Variants in TRAPPC13 observed in about 807,000 individuals in gnomAD.
TRAPPC13 encodes the protein trafficking protein particle complex subunit 13.
TRAPPC13 carries 39 observed loss-of-function variants against 54.0 expected under a neutral mutation model. That is an observed-to-expected ratio of 0.72 (90% CI 0.56 to 0.94). TRAPPC13 has a LOEUF of 0.94. Among genes scored for constraint, TRAPPC13 ranks in the 40% least tolerant of loss-of-function variants. The pLI, the probability that TRAPPC13 is intolerant of heterozygous loss-of-function variation, is 0.00. For synonymous variants in TRAPPC13, 148 were observed against 167.7 expected (o/e 0.88, Z 0.91); for missense variants, 386 against 488.1 (o/e 0.79, Z 1.97).
chr5:65,640,902 A>G (rs1344102959), intron 4 of TRAPPC13, among the ~76,000 whole-genome samples: 1 of 151,088 alleles, frequency 6.6e-6, no homozygotes, highest in African/African-American at 2.4e-5. Flanking sequence ...AGACATTCAG[A>G]CTCATGATAT....
chr5:65,658,718 T>TTTTA (rs745951858), intron 9 of TRAPPC13, among the ~76,000 whole-genome samples: 170 of 151,196 alleles, frequency 1.1e-3, no homozygotes, highest in Admixed American at 2.4e-3. Context: ...TTATTTTTAT[T>TTTTA]TTTATTTATT....
chr5:65,647,195 T>G lies in TRAPPC13; in HGVS notation c.428+13T>G. 6.4e-7 allele frequency: 1 copy of G among 1,564,530 alleles called. No individual in the cohort carries two copies. Among genetic ancestry groups the G allele is most frequent in the Non-Finnish European group, 8.6e-7 (1 of 1,157,738 alleles). On this transcript the variant is annotated intron_variant, in intron 5 of 12. Transcript: ENST00000399438. Reference sequence around the variant, plus strand: ...TTGGAACACACATGTAAGGATTAATTTTATTAGTTCTCAAAGGTTTTTACT... The same window carrying G: ...TTGGAACACACATGTAAGGATTAATGTTATTAGTTCTCAAAGGTTTTTACT...
At chr5:65,647,272 A>G in intron 5 of TRAPPC13, 90 bp downstream of exon 5, 1 of 1,137,724 alleles carries the variant, frequency 8.8e-7, no homozygotes, top group Non-Finnish European at 1.2e-6. Flanking sequence ...ACCATGAAGC[A>G]TAGGAACCTA....
Position 65,664,364 on chromosome 5 carries a change from T to G in TRAPPC13, c.1126T>G (p.Ser376Ala). The G allele has an allele frequency of 6.2e-7, 1 of 1,613,642 alleles. No homozygotes were observed. The highest frequency in any genetic ancestry group is 8.5e-7 in the Non-Finnish European group (1 of 1,179,784). The change falls in exon 12 of 13, where the codon TCT becomes GCT. Residue 376 changes from serine to alanine, a missense_variant. Coordinates refer to ENST00000399438, the MANE Select transcript of TRAPPC13 (RefSeq NM_024941.4). Reference sequence around the variant, plus strand: ...GCTCTGTCTTGCCCTTACTCTGCTTTCTTCAGTACAGGGACTGCAAGTATG... The same window carrying G: ...GCTCTGTCTTGCCCTTACTCTGCTTGCTTCAGTACAGGGACTGCAAGTATG... ...SSLCLALTLL[S>A]SVQGLQSISG...
chr5:65,654,333 G>A, intron 7 of TRAPPC13, among the ~76,000 whole-genome samples: 1 of 152,006 alleles, frequency 6.6e-6, no homozygotes, highest in East Asian at 1.9e-4. Flanking sequence ...CGACAATTTT[G>A]TTTGCTTCCT....
intron 4 of TRAPPC13, among the ~76,000 whole-genome samples, chr5:65,644,300 C>T (rs1756097456): frequency 6.6e-6 from 1 of 152,096 alleles, no homozygotes; most frequent in African/African-American, 2.4e-5. Flanking sequence ...CCTCAGCCTC[C>T]CGAGTAGCTG....
chr5:65,661,666 C>T (rs542845100), intron 10 of TRAPPC13: 1 of 157,586 alleles, frequency 6.3e-6, no homozygotes, highest in African/African-American at 2.4e-5. Flanking sequence ...CTTCCTGGCT[C>T]CTTTCAACAT....
chr5:65,650,451 C>T (rs1465558461), intron 5 of TRAPPC13, among the ~76,000 whole-genome samples: 3 of 152,126 alleles, frequency 2.0e-5, no homozygotes, highest in African/African-American at 4.8e-5. Flanking sequence ...CATGAACAAC[C>T]GTGCCCAGCT....
chr5:65,653,931 A>G (rs1266688036), intron 7 of TRAPPC13, among the ~76,000 whole-genome samples: 4 of 152,198 alleles, frequency 2.6e-5, no homozygotes, highest in Non-Finnish European at 5.9e-5. Context: ...TGAGATTTAA[A>G]TAGTCTAATT....
At chr5:65,652,478 A>G in intron 6 of TRAPPC13, 23 bp from the exon 7 acceptor site, 1 of 1,557,062 alleles carries the variant, frequency 6.4e-7, no homozygotes, top group Non-Finnish European at 8.8e-7. Context: ...CAATCTCCTG[A>G]TTGATATGCT....
intron 1 of TRAPPC13, among the ~76,000 whole-genome samples, chr5:65,634,244 C>G (rs2150666488): frequency 6.6e-6 from 1 of 152,244 alleles, no homozygotes; most frequent in African/African-American, 2.4e-5. Context: ...CTTGGCCTCC[C>G]AAAGTGCTGG....
At chr5:65,652,321 G>A (rs1054791856) in intron 6 of TRAPPC13, among the ~76,000 whole-genome samples, 180 bp from the exon 7 acceptor site, 10 of 143,542 alleles carry the variant, frequency 7.0e-5, no homozygotes, top group Non-Finnish European at 1.2e-4. Context: ...AAATACATTA[G>A]GGATTCTTTT....
intron 1 of TRAPPC13, chr5:65,630,772 T>C (rs1327975407): frequency 2.8e-6 from 2 of 706,490 alleles, no homozygotes; most frequent in African/African-American, 3.8e-5. Flanking sequence ...TTTATAATGA[T>C]GTTTCCAAAG....
rs1248469702 is a variant in TRAPPC13, at chr5:65,664,350, C to G, written c.1112C>G (p.Ala371Gly). 4 of 1,613,876 alleles carry G rather than the reference C, an allele frequency of 2.5e-6. No individual in the cohort carries two copies. Among genetic ancestry groups the G allele is most frequent in the Non-Finnish European group, 3.4e-6 (4 of 1,179,848 alleles). Reference sequence around the variant, plus strand: ...CATCCAAGTTCTTCGCTCTGTCTTGCCCTTACTCTGCTTTCTTCAGTACAG... The same window carrying G: ...CATCCAAGTTCTTCGCTCTGTCTTGGCCTTACTCTGCTTTCTTCAGTACAG... ...KLHPSSSLCLALTLLSSVQGL... is the reference protein window; with the variant it reads ...KLHPSSSLCLGLTLLSSVQGL... The change falls in exon 12 of 13, where the codon GCC becomes GGC. Residue 371 changes from alanine to glycine, a missense_variant. By Grantham distance (60) the Ala-to-Gly change is moderately conservative. Transcript: ENST00000399438.
chr5:65,637,630 CAA>C (rs374091978), intron 3 of TRAPPC13, 64 bp from the exon 4 acceptor site: 8,435 of 666,370 alleles, frequency 0.013, no homozygotes, highest in East Asian at 0.02. Flanking sequence ...GACTCTGTCT[CAA>C]AAAAAAAAAA....
intron 4 of TRAPPC13, among the ~76,000 whole-genome samples, chr5:65,640,867 C>T (rs1755938351): frequency 6.6e-6 from 1 of 151,942 alleles, no homozygotes; most frequent in South Asian, 2.1e-4. Flanking sequence ...CAGTGTAGTA[C>T]TCACTAGGGG....
At chr5:65,639,471 G>A (rs1386050284) in intron 4 of TRAPPC13, among the ~76,000 whole-genome samples, 1 of 152,126 alleles carries the variant, frequency 6.6e-6, no homozygotes, top group Non-Finnish European at 1.5e-5. Context: ...ACCAGCCTGG[G>A]AAACATAACG....
chr5:65,639,756 G>A (rs759896043), intron 4 of TRAPPC13, among the ~76,000 whole-genome samples: 9 of 152,202 alleles, frequency 5.9e-5, no homozygotes, highest in Non-Finnish European at 1.0e-4. Flanking sequence ...TGTAGAAAAT[G>A]GAACAGTTAG....
At chr5:65,643,877 A>G (rs1358464639) in intron 4 of TRAPPC13, among the ~76,000 whole-genome samples, 1 of 151,178 alleles carries the variant, frequency 6.6e-6, no homozygotes, top group Non-Finnish European at 1.5e-5. Flanking sequence ...GCATATTTAT[A>G]ATTATTGTTA....
Sources: allele counts gnomAD v4.1 joint callset (sites outside exome capture counted in the v4.1 genomes callset), GRCh38; gene constraint gnomAD v4.1.1; transcripts MANE v1.5; gene names NCBI Gene and HGNC (gene_info 2026-07-23, HGNC 2026-07-21).